IKBKB: variants seen among roughly 807,000 people sequenced by gnomAD.
IKBKB encodes the protein inhibitor of nuclear factor kappa B kinase subunit beta.
A neutral mutation model predicts 113.6 loss-of-function variants in IKBKB; 42 were observed. That is an observed-to-expected ratio of 0.37 (90% confidence interval 0.29 to 0.48). The LOEUF (loss-of-function observed/expected upper bound fraction) is 0.48, where lower values mean the gene tolerates loss of function less well. IKBKB is among the 20% of genes least tolerant of loss of function. IKBKB has a pLI of 0.99. For missense variants in IKBKB, 673 were observed against 939.7 expected (o/e 0.72, Z 3.71); for synonymous variants, 296 against 361.3 (o/e 0.82, Z 2.05).
chr8:42,312,238 C>T (rs757948419), intron 8 of IKBKB, among the ~76,000 whole-genome samples: 1 of 152,218 alleles, frequency 6.6e-6, no homozygotes, highest in Non-Finnish European at 1.5e-5. Flanking sequence ...ACTTGTTGAG[C>T]ATGTCTCTTA....
At chr8:42,292,030 G>C (rs1458668743) in intron 4 of IKBKB, among the ~76,000 whole-genome samples, 4 of 152,218 alleles carry the variant, frequency 2.6e-5, no homozygotes, top group African/African-American at 7.2e-5. Context: ...TCTCCCTGGA[G>C]ATAGGCATGT....
At chr8:42,330,256 A>G (rs901401174) in intron 21 of IKBKB, 121 of 984,958 alleles carry the variant, frequency 1.2e-4, no homozygotes, top group Non-Finnish European at 1.4e-4. Flanking sequence ...CAAAGAAAAG[A>G]TCCTGTACAG....
At chr8:42,314,064 G>T (rs1818217857) in intron 8 of IKBKB, 6 of 420,712 alleles carry the variant, frequency 1.4e-5, no homozygotes, top group Non-Finnish European at 2.6e-5. Flanking sequence ...ACCTTTTCTG[G>T]GTTTAGATAT....
At position 42,289,890 on chromosome 8, in the gene IKBKB, C is replaced by T. The variant is rs535536228; in HGVS notation, c.201-266C>T. Among the ~76,000 whole-genome samples the T allele has an allele frequency of 2.8e-3, 425 of 152,296 alleles. 2 individuals carry two copies. The highest frequency in any genetic ancestry group is 9.9e-3 in the African/African-American group (410 of 41,540). On this transcript the variant is annotated intron_variant, in intron 3 of 21. Transcript: ENST00000520810. ...TCCTTGTAGGAGCAGTTTGGCAGCACGATGAGGACTTGGGATGTGGCACGC... is the reference window on the plus strand; with the variant it reads ...TCCTTGTAGGAGCAGTTTGGCAGCATGATGAGGACTTGGGATGTGGCACGC...
intron 6 of IKBKB, 93 bp from the exon 7 acceptor site, chr8:42,306,250 A>G (rs1286898587): frequency 2.5e-6 from 2 of 790,048 alleles, no homozygotes; most frequent in Admixed American, 4.1e-5. Context: ...GGGAATTCAG[A>G]AATACCTCTG....
At chr8:42,322,295 T>G (rs1247539483) in intron 18 of IKBKB, 52 bp from the exon 19 acceptor site, 1 of 1,611,034 alleles carries the variant, frequency 6.2e-7, no homozygotes, top group African/African-American at 1.3e-5. Flanking sequence ...TGCCACAGGT[T>G]CTGCTTTCTC....
intron 5 of IKBKB, chr8:42,298,483 A>G (rs1291374942): frequency 3.0e-6 from 3 of 985,254 alleles, no homozygotes; most frequent in Non-Finnish European, 3.6e-6. Flanking sequence ...CAGGAACTGC[A>G]CATCAGGTGC....
rs186056582 is a variant in IKBKB at position 42,286,116 on chromosome 8, C to G, written c.106-2518C>G. ...AAAAAAAAGTAGGCATGCAAGGTCA[C>G]CATCTGATGGAAAGCTTAGCCAAAG... On this transcript the variant is annotated intron_variant, in intron 2 of 21. Coordinates refer to ENST00000520810, the MANE Select transcript of IKBKB (RefSeq NM_001556.3). 3.2e-3 allele frequency among the ~76,000 whole-genome samples: 491 copies of G among 152,300 alleles called. 2 individuals carry two copies. Among genetic ancestry groups the G allele is most frequent in the Middle Eastern group, 6.8e-3 (2 of 294 alleles).
chr8:42,315,161 C>G (rs1326327007), intron 9 of IKBKB, among the ~76,000 whole-genome samples: 1 of 152,192 alleles, frequency 6.6e-6, no homozygotes, highest in East Asian at 1.9e-4. Flanking sequence ...ACAATCCAGT[C>G]TCAGAGCCAG....
chr8:42,321,822 A>C (rs1309355158), intron 16 of IKBKB, 74 bp from the exon 17 acceptor site: 15 of 1,081,818 alleles, frequency 1.4e-5, no homozygotes, highest in Non-Finnish European at 1.7e-5. Context: ...GTGAAACTCT[A>C]CCTCTACCAA....
At position 42,288,692 on chromosome 8, in the gene IKBKB, G is replaced by A. The variant is rs1000600256; in HGVS notation, c.164G>A (p.Arg55Gln). The change falls in exon 3 of 22, where the codon CGA becomes CAA. Residue 55 changes from arginine to glutamine, a missense_variant. Transcript: ENST00000520810. ...QCRQELSPRN[R>Q]ERWCLEIQIM... ...CGGCAGGAGCTCAGCCCCCGGAACCGAGAGCGGTGGTGCCTGGAGATCCAG... is the reference window on the plus strand; with the variant it reads ...CGGCAGGAGCTCAGCCCCCGGAACCAAGAGCGGTGGTGCCTGGAGATCCAG... 9.3e-6 allele frequency: 15 copies of A among 1,611,338 alleles called. No homozygotes were observed. The highest frequency in any genetic ancestry group is 1.3e-5 in the Non-Finnish European group (15 of 1,178,752).
At position 42,331,087 on chromosome 8, in the gene IKBKB, G is replaced by C; in HGVS notation, c.*108G>C. ...CTGCCTGGAGCAGGCCGCGTGACGT[G>C]GGGCTGCCTGGCCGCGGCTCTCACA... On this transcript the variant is annotated 3_prime_UTR_variant, in exon 22 of 22. Coordinates refer to ENST00000520810, the MANE Select transcript of IKBKB (RefSeq NM_001556.3). The C allele has an allele frequency of 6.5e-7, 1 of 1,541,100 alleles. No individual in the cohort carries two copies. The highest frequency in any genetic ancestry group is 2.2e-4 in the Middle Eastern group (1 of 4,512).
intron 20 of IKBKB, 131 bp downstream of exon 20, chr8:42,326,228 T>C: frequency 2.8e-6 from 3 of 1,084,960 alleles, no homozygotes; most frequent in Non-Finnish European, 3.9e-6. Context: ...TTGCATCTGC[T>C]GGGTCCTGTG....
At position 42,331,501 on chromosome 8, in the gene IKBKB, TC is replaced by T. The variant is rs1821680572; in HGVS notation, c.*523del. The T allele has an allele frequency of 3.0e-6, 2 of 673,014 alleles. No homozygotes were observed. Among genetic ancestry groups the T allele is most frequent in the South Asian group, 3.2e-5 (2 of 63,420 alleles). 41.7% of individuals were successfully genotyped at this position (673,014 alleles called of 1,614,324 possible). ...CTCTCACTTTACAGCTTGTGTTTCT[TC>T]TGGATTCAGCTTCTCCTAAACAGAC... On this transcript the variant is annotated 3_prime_UTR_variant, in exon 22 of 22. Coordinates refer to ENST00000520810, the MANE Select transcript of IKBKB (RefSeq NM_001556.3).
At chr8:42,296,905 A>G (rs890564487) in intron 5 of IKBKB, among the ~76,000 whole-genome samples, 21 of 152,248 alleles carry the variant, frequency 1.4e-4, no homozygotes, top group Non-Finnish European at 2.4e-4. Context: ...AGCTCCTAGC[A>G]CAATGCTCTG....
chr8:42,319,198 T>G (rs1585778176), intron 13 of IKBKB, 72 bp from the exon 14 acceptor site: 2 of 1,412,924 alleles, frequency 1.4e-6, no homozygotes, highest in African/African-American at 1.4e-5. Context: ...TTTGAGGGGG[T>G]TTTGTTATTG....
chr8:42,326,470 C>T (rs1820749269), intron 20 of IKBKB: 1 of 184,470 alleles, frequency 5.4e-6, no homozygotes, highest in Non-Finnish European at 1.1e-5. Flanking sequence ...CCACCCTCCT[C>T]CCGGTGCCAC....
intron 8 of IKBKB, among the ~76,000 whole-genome samples, chr8:42,311,455 G>C (rs905248010): frequency 2.0e-5 from 3 of 151,764 alleles, no homozygotes; most frequent in African/African-American, 7.3e-5. Flanking sequence ...CAGCTACTTG[G>C]GAGGCTGAAA....
In IKBKB at chr8:42,307,717, C is replaced by T. The variant is rs1016751074; in HGVS notation, c.568-1184C>T. Among the ~76,000 whole-genome samples the T allele has an allele frequency of 3.9e-5, 6 of 152,206 alleles. No individual in the cohort carries two copies. In the East Asian group the frequency reaches 1.2e-3, roughly 29 times the overall value. On this transcript the variant is annotated intron_variant, in intron 7 of 21. Coordinates refer to ENST00000520810, the MANE Select transcript of IKBKB (RefSeq NM_001556.3). ...TAGATCCTTCTGGAGTCCTCCTCAG[C>T]TCAGCAGCAGTCGAGCAAGGGGGAC...
Sources: gnomAD v4.1 joint callset for allele counts (sites outside exome capture counted in the v4.1 genomes callset) on GRCh38, gnomAD v4.1.1 for gene constraint, MANE v1.5 for transcripts, NCBI Gene and HGNC (gene_info 2026-07-23, HGNC 2026-07-21) for gene names.